DOCK7: variants seen among roughly 807,000 people sequenced by gnomAD.
DOCK7 encodes the protein dedicator of cytokinesis 7.
In DOCK7, 138 loss-of-function variants were observed where a neutral mutation model predicts 271.0. The ratio of observed to expected loss-of-function variants is 0.51; its 90% confidence interval spans 0.44 to 0.59. The LOEUF (loss-of-function observed/expected upper bound fraction) is 0.59. Ranked by LOEUF, DOCK7 falls within the 20% of genes least tolerant of loss-of-function variation. The pLI is 0.00. For synonymous variants in DOCK7, 823 were observed against 876.1 expected, an observed-to-expected ratio of 0.94 and a Z score of 1.07; for missense variants, 2,066 against 2,592.4, an observed-to-expected ratio of 0.80 and a Z score of 4.41.
chr1:62,494,502 T>C, intron 39 of DOCK7, 35 bp from the exon 40 acceptor site: 1 of 1,564,674 alleles, frequency 6.4e-7, no homozygotes. Flanking sequence ...CATTAGTATG[T>C]GCTTCCCAAG....
intron 17 of DOCK7, among the ~76,000 whole-genome samples, chr1:62,577,618 C>CAAAAAAA (rs1486131597): frequency 6.6e-6 from 1 of 151,920 alleles, no homozygotes; most frequent in Middle Eastern, 3.4e-3. Context: ...AATCTAGAGG[C>CAAAAAAA]AAAAAGTTGG....
At chr1:62,623,180 T>G (rs1430616919) in intron 12 of DOCK7, among the ~76,000 whole-genome samples, 1 of 152,236 alleles carries the variant, frequency 6.6e-6, no homozygotes. Flanking sequence ...GTGTCTCATT[T>G]AGGGAAAAAT....
At chr1:62,515,925 G>A (rs1017286255) in intron 31 of DOCK7, among the ~76,000 whole-genome samples, 2 of 152,180 alleles carry the variant, frequency 1.3e-5, no homozygotes, top group Non-Finnish European at 2.9e-5. Flanking sequence ...AGTGTCCTAT[G>A]CATATCTGAA....
intron 15 of DOCK7, chr1:62,584,374 A>G: frequency 1.0e-6 from 1 of 987,364 alleles, no homozygotes; most frequent in South Asian, 4.7e-5. Flanking sequence ...TTACATTATC[A>G]AAAAGTTATC....
At position 62,605,745 on chromosome 1, in the gene DOCK7, T is replaced by C. The variant is rs147953251; in HGVS notation, c.1682+12961A>G. 20 of 152,526 alleles carry C rather than the reference T, an allele frequency of 1.3e-4. 1 individual carries two copies. Among genetic ancestry groups the C allele is most frequent in the Non-Finnish European group, 2.2e-4 (15 of 67,902 alleles). 9.4% of individuals were successfully genotyped at this position (152,526 alleles called of 1,614,324 possible). On this transcript the variant is annotated intron_variant, in intron 14 of 49. Transcript: ENST00000635253. The stretch of plus-strand genomic sequence containing the variant: ...GTTTAAACAGCCTGACAAGCATGTA[T>C]ATATGTTTAAAATTCAATAAACAAA...
intron 31 of DOCK7, among the ~76,000 whole-genome samples, chr1:62,527,581 A>C (rs1645047395): frequency 6.6e-6 from 1 of 152,022 alleles, no homozygotes; most frequent in Non-Finnish European, 1.5e-5. Flanking sequence ...GGACGTAGGG[A>C]CATGGACGAA....
intron 25 of DOCK7, among the ~76,000 whole-genome samples, chr1:62,541,733 T>A (rs1645540032): frequency 6.6e-6 from 1 of 152,204 alleles, no homozygotes; most frequent in African/African-American, 2.4e-5. Context: ...TCAGAAGTTA[T>A]ATGCAGATTT....
chr1:62,650,788 G>A (rs948515360), intron 4 of DOCK7, among the ~76,000 whole-genome samples: 1 of 152,090 alleles, frequency 6.6e-6, no homozygotes, highest in African/African-American at 2.4e-5. Context: ...TAAAAAGTCA[G>A]GAAACAACAG....
chr1:62,578,801 T>C, intron 17 of DOCK7, 27 bp downstream of exon 17: 1 of 1,553,784 alleles, frequency 6.4e-7, no homozygotes, highest in Non-Finnish European at 8.7e-7. Context: ...AGCTCTTTGA[T>C]CTAAATATTG....
chr1:62,537,810 A>G, intron 28 of DOCK7, 81 bp downstream of exon 28: 3 of 1,269,776 alleles, frequency 2.4e-6, no homozygotes, highest in Non-Finnish European at 3.3e-6. Context: ...GTTATTCAAT[A>G]AGTGTTATTT....
At chr1:62,678,263 G>A (rs1660744078) in intron 1 of DOCK7, among the ~76,000 whole-genome samples, 1 of 152,152 alleles carries the variant, frequency 6.6e-6, no homozygotes, top group African/African-American at 2.4e-5. Flanking sequence ...ATAAAAAATA[G>A]TAAGTCAGTT....
intron 7 of DOCK7, among the ~76,000 whole-genome samples, chr1:62,639,426 CTTTTTTTTTTTTT>C (rs386367151): frequency 4.0e-5 from 3 of 75,864 alleles, no homozygotes; most frequent in East Asian, 3.6e-4. Flanking sequence ...TTGTAATACT[CTTTTTTTTTTTTT>C]TTTTTTTTTT....
chr1:62,553,348 ATATATATTTTTTTT>A (rs1646009338), intron 21 of DOCK7, among the ~76,000 whole-genome samples: 7 of 22,618 alleles, frequency 3.1e-4, no homozygotes, highest in African/African-American at 1.3e-3. Context: ...ATATATATAT[ATATATATTTTTTTT>A]TTTTTTTTTT....
chr1:62,683,568 T>C (rs1248978444), intron 1 of DOCK7, among the ~76,000 whole-genome samples: 1 of 152,198 alleles, frequency 6.6e-6, no homozygotes, highest in African/African-American at 2.4e-5. Context: ...GGCATAACTT[T>C]AGGGATAGTA....
intron 4 of DOCK7, among the ~76,000 whole-genome samples, chr1:62,651,981 T>C (rs1657438114): frequency 6.6e-6 from 1 of 152,184 alleles, no homozygotes; most frequent in African/African-American, 2.4e-5. Context: ...AGTCTGCCAG[T>C]ACCTAGTCTT....
At chr1:62,656,464 C>A (rs986029674) in intron 2 of DOCK7, among the ~76,000 whole-genome samples, 1 of 152,010 alleles carries the variant, frequency 6.6e-6, no homozygotes, top group African/African-American at 2.4e-5. Context: ...TTTTAAAAAG[C>A]CAAACCCTCA....
chr1:62,616,326 G>A (rs1652429624), intron 14 of DOCK7, among the ~76,000 whole-genome samples: 1 of 151,416 alleles, frequency 6.6e-6, no homozygotes, highest in African/African-American at 2.4e-5. Context: ...TCACAGAAAA[G>A]ATACCCTAGA....
chr1:62,583,094 C>T lies in DOCK7; in HGVS notation c.1871+90G>A, dbSNP rs574687629. ...AGCCTTGAATTTGGCACATTTAGTG[C>T]AGCAAAGCATTTGGTAAACACACTA... On this transcript the variant is annotated intron_variant, in intron 16 of 49. Transcript: ENST00000635253. 5 of 1,076,034 alleles carry T rather than the reference C, an allele frequency of 4.6e-6. No individual in the cohort carries two copies. In the East Asian group the frequency reaches 1.2e-4, roughly 26 times the overall value. 66.7% of individuals were successfully genotyped at this position (1,076,034 alleles called of 1,614,324 possible). A position where few individuals can be genotyped will look rare whatever the true frequency, so the allele number is the denominator to read the frequency against.
At chr1:62,663,368 T>C (rs1424523076) in intron 1 of DOCK7, among the ~76,000 whole-genome samples, 4 of 152,124 alleles carry the variant, frequency 2.6e-5, no homozygotes, top group Non-Finnish European at 5.9e-5. Flanking sequence ...CATATGAGGT[T>C]TTTTCTTATA....
Sources: allele counts gnomAD v4.1 joint callset (sites outside exome capture counted in the v4.1 genomes callset), GRCh38; gene constraint gnomAD v4.1.1; transcripts MANE v1.5; gene names NCBI Gene and HGNC (gene_info 2026-07-23, HGNC 2026-07-21).